The following PRKD1 variants were observed in gnomAD, a reference collection of about 807,000 sequenced individuals.
PRKD1 encodes the protein serine/threonine-protein kinase D1.
A neutral mutation model predicts 95.9 loss-of-function variants in PRKD1; 63 were observed. The ratio of observed to expected loss-of-function variants is 0.66; its 90% CI spans 0.54 to 0.81. The LOEUF is 0.81. Among genes scored for constraint, PRKD1 ranks in the 30% least tolerant of loss-of-function variants. The probability of loss-of-function intolerance (pLI) is 0.00; values close to 1 mark genes in which losing one functional copy is unlikely to be tolerated. For missense variants in PRKD1, 1,048 were observed against 1,165.3 expected (o/e 0.90, Z 1.47); for synonymous variants, 425 against 423.1 (o/e 1.00, Z -0.05).
intron 4 of PRKD1, among the ~76,000 whole-genome samples, chr14:29,649,844 G>A (rs373692225): frequency 1.1e-4 from 17 of 152,122 alleles, no homozygotes; most frequent in South Asian, 8.3e-4. Context: ...TCCCAGTAAC[G>A]ACACAGCACA....
At chr14:29,629,343 A>ATTGG (rs1227678281) in intron 10 of PRKD1, among the ~76,000 whole-genome samples, 1 of 152,230 alleles carries the variant, frequency 6.6e-6, no homozygotes, top group Non-Finnish European at 1.5e-5. Context: ...GGATTCAAAT[A>ATTGG]CTGGCTTTGC....
intron 1 of PRKD1, among the ~76,000 whole-genome samples, chr14:29,920,178 ACTTGT>A (rs1895052293): frequency 1.3e-5 from 2 of 152,056 alleles, no homozygotes; most frequent in East Asian, 1.9e-4. Context: ...GGAAGGAAGC[ACTTGT>A]CTTGTTTTGT....
intron 10 of PRKD1, among the ~76,000 whole-genome samples, chr14:29,629,328 G>C (rs2139106398): frequency 6.6e-6 from 1 of 152,262 alleles, no homozygotes; most frequent in South Asian, 2.1e-4. Context: ...GAGTCAGAAG[G>C]ACTTGGATTC....
chr14:29,672,350 A>ATAAAC (rs1043591174), intron 2 of PRKD1, among the ~76,000 whole-genome samples: 1 of 149,032 alleles, frequency 6.7e-6, no homozygotes, highest in African/African-American at 2.5e-5. Context: ...CAAAAAAAAA[A>ATAAAC]TAAAATAAAA....
At chr14:29,881,915 T>C (rs192185944) in intron 1 of PRKD1, among the ~76,000 whole-genome samples, 1 of 152,322 alleles carries the variant, frequency 6.6e-6, no homozygotes, top group African/African-American at 2.4e-5. Flanking sequence ...CTCCCAAAAC[T>C]TTCTATCTCT....
At chr14:29,681,813 C>CTT (rs1883556022) in intron 2 of PRKD1, among the ~76,000 whole-genome samples, 1 of 152,210 alleles carries the variant, frequency 6.6e-6, no homozygotes, top group African/African-American at 2.4e-5. Context: ...TGGATCATAG[C>CTT]TTTAATTCTG....
At chr14:29,589,681 T>C (rs577173447) in intron 16 of PRKD1, among the ~76,000 whole-genome samples, 4 of 152,228 alleles carry the variant, frequency 2.6e-5, no homozygotes, top group Non-Finnish European at 5.9e-5. Context: ...GGAAGAATTA[T>C]AGTTCTACAA....
intron 1 of PRKD1, among the ~76,000 whole-genome samples, chr14:29,911,977 A>G (rs957184632): frequency 3.9e-5 from 6 of 152,100 alleles, no homozygotes; most frequent in African/African-American, 1.4e-4. Context: ...TTCCTCTTAC[A>G]GCCTATTTAA....
At chr14:29,614,379 T>C (rs530119371) in intron 13 of PRKD1, among the ~76,000 whole-genome samples, 131 of 152,308 alleles carry the variant, frequency 8.6e-4, no homozygotes, top group Non-Finnish European at 1.6e-3. Context: ...CACTGAGATT[T>C]TTCTTTTTGT....
intron 3 of PRKD1, 81 bp from the exon 4 acceptor site, chr14:29,663,940 A>T (rs1379189303): frequency 3.0e-6 from 4 of 1,345,980 alleles, no homozygotes; most frequent in Non-Finnish European, 4.1e-6. Flanking sequence ...GTAGAAATTT[A>T]AAAAATAGTA....
intron 16 of PRKD1, among the ~76,000 whole-genome samples, chr14:29,588,690 T>C (rs1893017916): frequency 1.3e-5 from 2 of 152,098 alleles, no homozygotes; most frequent in Admixed American, 1.3e-4. Flanking sequence ...ATCACCATAA[T>C]CTGATAATTT....
intron 4 of PRKD1, among the ~76,000 whole-genome samples, chr14:29,653,040 G>A (rs1232215679): frequency 6.6e-6 from 1 of 152,064 alleles, no homozygotes. Context: ...CATTTCTGAG[G>A]GGAGATGTTC....
chr14:29,594,571 G>T (rs748733759), intron 16 of PRKD1, among the ~76,000 whole-genome samples: 2 of 152,160 alleles, frequency 1.3e-5, no homozygotes, highest in Non-Finnish European at 2.9e-5. Context: ...TGACTCCTCG[G>T]AATGGCAGAT....
intron 1 of PRKD1, among the ~76,000 whole-genome samples, chr14:29,904,322 G>C (rs2139434542): frequency 6.6e-6 from 1 of 152,258 alleles, no homozygotes; most frequent in East Asian, 1.9e-4. Context: ...CATAAATATA[G>C]TCTGGTAGTT....
chr14:29,756,657 C>A (rs1887713421), intron 1 of PRKD1, among the ~76,000 whole-genome samples: 1 of 152,322 alleles, frequency 6.6e-6, no homozygotes, highest in East Asian at 1.9e-4. Flanking sequence ...TTTTCAGGAA[C>A]AATGACAGTA....
At chr14:29,856,913 A>G (rs1892527280) in intron 1 of PRKD1, among the ~76,000 whole-genome samples, 1 of 152,196 alleles carries the variant, frequency 6.6e-6, no homozygotes, top group Non-Finnish European at 1.5e-5. Context: ...GCTCGAGCCT[A>G]ACAAGGGAAC....
At chr14:29,615,842 A>G (rs528442190) in intron 13 of PRKD1, among the ~76,000 whole-genome samples, 2 of 152,338 alleles carry the variant, frequency 1.3e-5, no homozygotes, top group South Asian at 4.1e-4. Flanking sequence ...AAATTGAAAG[A>G]ATGATAGCAA....
At chr14:29,691,065 G>A (rs534565529) in intron 2 of PRKD1, among the ~76,000 whole-genome samples, 11 of 152,096 alleles carry the variant, frequency 7.2e-5, no homozygotes, top group Admixed American at 1.3e-4. Context: ...TCAAGTACAC[G>A]GTCAATACAC....
intron 1 of PRKD1, among the ~76,000 whole-genome samples, chr14:29,836,101 A>C (rs1410202150): frequency 6.6e-6 from 1 of 152,192 alleles, no homozygotes; most frequent in African/African-American, 2.4e-5. Context: ...GTGACATGAG[A>C]GCATGACTAA....
Sources: gnomAD v4.1 joint callset for allele counts (sites outside exome capture counted in the v4.1 genomes callset) on GRCh38, gnomAD v4.1.1 for gene constraint, MANE v1.5 for transcripts, NCBI Gene and HGNC (gene_info 2026-07-23, HGNC 2026-07-21) for gene names.